The following AGBL1 variants were observed in gnomAD, a reference collection of about 807,000 sequenced individuals.
AGBL1 encodes the protein AGBL carboxypeptidase 1.
In AGBL1, 130 loss-of-function variants were observed where a neutral mutation model predicts 118.9. The observed-to-expected ratio is 1.09, with a 90% confidence interval of 0.95 to 1.26. The LOEUF (loss-of-function observed/expected upper bound fraction) is 1.26. Ranked by LOEUF, AGBL1 falls within the 50% of genes most tolerant of loss-of-function variation. The pLI, the probability that AGBL1 is intolerant of heterozygous loss-of-function variation, is 0.00. For missense variants in AGBL1, 1,584 were observed against 1,298.1 expected (o/e 1.22, Z -3.38); for synonymous variants, 555 against 478.9 (o/e 1.16, Z -2.08).
At chr15:86,401,466 C>CT (rs527532028) in intron 18 of AGBL1, among the ~76,000 whole-genome samples, 2 of 151,954 alleles carry the variant, frequency 1.3e-5, no homozygotes, top group Admixed American at 1.3e-4. Context: ...AATTAGGTCT[C>CT]TTTTTTTGTT....
intron 23 of AGBL1, among the ~76,000 whole-genome samples, chr15:86,930,136 C>T (rs1160221755): frequency 6.6e-6 from 1 of 152,098 alleles, no homozygotes; most frequent in Non-Finnish European, 1.5e-5. Context: ...GTCAATGGCT[C>T]ACTCCTTCCC....
chr15:86,922,340 G>C (rs186357665), intron 23 of AGBL1, among the ~76,000 whole-genome samples: 2 of 152,312 alleles, frequency 1.3e-5, no homozygotes, highest in African/African-American at 2.4e-5. Context: ...ACCCAGGCTG[G>C]AGTGCAATGG....
intron 22 of AGBL1, among the ~76,000 whole-genome samples, chr15:86,713,068 G>C (rs1195075989): frequency 6.6e-6 from 1 of 151,960 alleles, no homozygotes; most frequent in Non-Finnish European, 1.5e-5. Flanking sequence ...TTGAGGCTGG[G>C]GTCTTTGTCT....
At chr15:86,186,776 C>T (rs559707689) in intron 5 of AGBL1, among the ~76,000 whole-genome samples, 1 of 152,280 alleles carries the variant, frequency 6.6e-6, no homozygotes, top group African/African-American at 2.4e-5. Context: ...TGTACATTCT[C>T]TTATTTAATT....
rs114685836 is a variant in AGBL1 at position 86,660,796 on chromosome 15, G to A, written c.2995-13477G>A. Among the ~76,000 whole-genome samples, 640 of 152,222 alleles carry A rather than the reference G, an allele frequency of 4.2e-3. 5 individuals are homozygous for A. The highest frequency in any genetic ancestry group is 0.013 in the African/African-American group (560 of 41,540). ...TCATAACAGCAAATTCTAGCCATGC[G>A]TAAATCTGCAGACTCTAATGTATAT... is the stretch of plus-strand genomic sequence containing the variant. On this transcript the variant is annotated intron_variant, in intron 21 of 22. Transcript: ENST00000614907.
intron 17 of AGBL1, among the ~76,000 whole-genome samples, chr15:86,317,817 G>C (rs1027576943): frequency 6.6e-6 from 1 of 152,150 alleles, no homozygotes; most frequent in African/African-American, 2.4e-5. Flanking sequence ...TTCCAATAAA[G>C]ATTTATTTAT....
rs59215306 is a variant in AGBL1, at chr15:86,811,665, G to A, written c.3159-95422G>A. Among the ~76,000 whole-genome samples, 561 of 152,160 alleles carry A rather than the reference G, an allele frequency of 3.7e-3. 6 individuals are homozygous for A. The highest frequency in any genetic ancestry group is 0.013 in the African/African-American group (530 of 41,522). On this transcript the variant is annotated intron_variant, in intron 22 of 22. Coordinates refer to ENST00000614907, the MANE Select transcript of AGBL1 (RefSeq NM_001386094.1). Reference sequence around the variant, plus strand: ...TCTTAGTTTCCTAGGATTTTAGAGGGCTCAGTCCCAAACAGTTTGGAACTC... The same window carrying A: ...TCTTAGTTTCCTAGGATTTTAGAGGACTCAGTCCCAAACAGTTTGGAACTC...
At chr15:86,487,598 A>G (rs895205629) in intron 18 of AGBL1, among the ~76,000 whole-genome samples, 1 of 151,872 alleles carries the variant, frequency 6.6e-6, no homozygotes, top group Non-Finnish European at 1.5e-5. Context: ...AGTAGCTTCA[A>G]TCTAAAGGAG....
At chr15:86,751,160 G>A (rs1257607474) in intron 22 of AGBL1, among the ~76,000 whole-genome samples, 8 of 152,010 alleles carry the variant, frequency 5.3e-5, no homozygotes, top group South Asian at 2.1e-4. Context: ...TTGCTGGGTC[G>A]AATGGTATTT....
chr15:86,258,073 C>T (rs372187949), intron 9 of AGBL1, 42 bp downstream of exon 9: 1 of 1,576,708 alleles, frequency 6.3e-7, no homozygotes, highest in Middle Eastern at 1.7e-4. Context: ...TCCATAGTCA[C>T]ATCATGCACA....
chr15:86,577,660 G>A (rs1231353646), intron 21 of AGBL1, among the ~76,000 whole-genome samples: 2 of 152,144 alleles, frequency 1.3e-5, no homozygotes, highest in Admixed American at 1.3e-4. Flanking sequence ...GACCAGGTGG[G>A]CCCAGGGTCC....
intron 5 of AGBL1, among the ~76,000 whole-genome samples, chr15:86,190,368 T>A (rs982411608): frequency 1.3e-5 from 2 of 152,160 alleles, no homozygotes; most frequent in African/African-American, 4.8e-5. Context: ...ATTTTGTTGT[T>A]TAAATATTAG....
chr15:86,122,077 T>G (rs1197456854), intron 1 of AGBL1, among the ~76,000 whole-genome samples: 2 of 152,148 alleles, frequency 1.3e-5, no homozygotes, highest in Non-Finnish European at 2.9e-5. Context: ...GAATGTGCGC[T>G]CTCCCTCCAA....
intron 22 of AGBL1, among the ~76,000 whole-genome samples, chr15:86,797,515 C>T (rs1444003956): frequency 2.6e-5 from 4 of 152,210 alleles, no homozygotes; most frequent in African/African-American, 9.6e-5. Flanking sequence ...ATGCACCAGG[C>T]AATTGCTAAT....
chr15:86,941,260 C>T (rs1003538393), intron 23 of AGBL1, among the ~76,000 whole-genome samples: 1 of 152,216 alleles, frequency 6.6e-6, no homozygotes, highest in Non-Finnish European at 1.5e-5. Context: ...TGTATTCACA[C>T]TTCCCCAGGA....
At chr15:86,210,302 C>T (rs2078070099) in intron 5 of AGBL1, among the ~76,000 whole-genome samples, 1 of 152,090 alleles carries the variant, frequency 6.6e-6, no homozygotes, top group Non-Finnish European at 1.5e-5. Context: ...CTTGGGGTTG[C>T]TCTTCTCGAG....
At chr15:86,421,984 T>G (rs2081797755) in intron 18 of AGBL1, among the ~76,000 whole-genome samples, 1 of 152,064 alleles carries the variant, frequency 6.6e-6, no homozygotes, top group South Asian at 2.1e-4. Context: ...AGACTTAGAC[T>G]CCCACACAAT....
At chr15:86,640,556 A>G (rs2085173843) in intron 21 of AGBL1, among the ~76,000 whole-genome samples, 1 of 152,172 alleles carries the variant, frequency 6.6e-6, no homozygotes, top group Non-Finnish European at 1.5e-5. Context: ...CATTAAATAC[A>G]TTTAAAACTA....
intron 22 of AGBL1, among the ~76,000 whole-genome samples, chr15:86,712,470 A>C (rs926391450): frequency 6.6e-6 from 1 of 152,312 alleles, no homozygotes; most frequent in East Asian, 1.9e-4. Flanking sequence ...TTGGGCTTCA[A>C]AGTGGAATAT....
Sources: allele counts gnomAD v4.1 joint callset (sites outside exome capture counted in the v4.1 genomes callset), GRCh38; gene constraint gnomAD v4.1.1; transcripts MANE v1.5; gene names NCBI Gene and HGNC (gene_info 2026-07-23, HGNC 2026-07-21).